ELAVL2: variants seen among roughly 807,000 people sequenced by gnomAD.
ELAVL2 encodes ELAV like RNA binding protein 2, also known as ELAV-like protein 2.
A neutral mutation model predicts 34.6 loss-of-function variants in ELAVL2; 4 were observed. That is an observed-to-expected ratio of 0.12 (90% CI 0.06 to 0.26). The LOEUF (loss-of-function observed/expected upper bound fraction) is 0.26, where lower values mean the gene tolerates loss of function less well. Ranked by LOEUF, ELAVL2 falls within the 10% of genes least tolerant of loss-of-function variation. The pLI is 1.00. For missense variants in ELAVL2, 432 were observed against 442.8 expected, an observed-to-expected ratio of 0.98 and a Z score of 0.22; for synonymous variants, 193 against 154.8, an observed-to-expected ratio of 1.25 and a Z score of -1.83.
At chr9:23,841,725 A>G in the ELAVL2 span, among the ~76,000 whole-genome samples, 72 of 152,288 alleles carry the variant, frequency 4.7e-4, no homozygotes, top group South Asian at 1.0e-3. Flanking sequence ...GTATCTATGT[A>G]TAAAGTGAAT....
chr9:23,749,704 A>G (rs1426549400), intron 2 of ELAVL2, among the ~76,000 whole-genome samples: 1 of 152,122 alleles, frequency 6.6e-6, no homozygotes, highest in African/African-American at 2.4e-5. Flanking sequence ...TCCGGTGAAC[A>G]TTTCATTTAA....
At chr9:23,702,252 T>C (rs994125236) in intron 4 of ELAVL2, among the ~76,000 whole-genome samples, 2 of 152,110 alleles carry the variant, frequency 1.3e-5, no homozygotes, top group South Asian at 2.1e-4. Context: ...AAAAATATTA[T>C]ATGGAGAAAA....
intron 4 of ELAVL2, among the ~76,000 whole-genome samples, chr9:23,702,967 A>AAAAAAAC: frequency 7.0e-6 from 1 of 143,620 alleles, no homozygotes; most frequent in East Asian, 2.0e-4. Context: ...AAAAAAAAAA[A>AAAAAAAC]AAAAAAAAAA....
At chr9:23,765,399 G>A (rs1254145192) in intron 1 of ELAVL2, among the ~76,000 whole-genome samples, 1 of 152,094 alleles carries the variant, frequency 6.6e-6, no homozygotes, top group Admixed American at 6.6e-5. Context: ...AAAAAATAAA[G>A]TAAAATAAAG....
chr9:23,757,047 A>C (rs1016570677), intron 2 of ELAVL2, among the ~76,000 whole-genome samples: 5 of 152,168 alleles, frequency 3.3e-5, no homozygotes, highest in Non-Finnish European at 7.3e-5. Flanking sequence ...AACAGATTCC[A>C]AAACTCCCTT....
At chr9:23,817,071 T>C (rs947764648) in intron 1 of ELAVL2, among the ~76,000 whole-genome samples, 1 of 152,114 alleles carries the variant, frequency 6.6e-6, no homozygotes, top group African/African-American at 2.4e-5. Flanking sequence ...ATCATTTTAC[T>C]GTTACTGTCT....
At chr9:23,843,996 T>C in the ELAVL2 span, among the ~76,000 whole-genome samples, 16 of 152,012 alleles carry the variant, frequency 1.1e-4, no homozygotes, top group Non-Finnish European at 1.6e-4. Flanking sequence ...CATATCAATA[T>C]GTAAAGACAA....
At chr9:23,828,884 T>C (rs1010210680), upstream of ELAVL2, among the ~76,000 whole-genome samples, 2 of 152,204 alleles carry the variant, frequency 1.3e-5, no homozygotes, top group Admixed American at 1.3e-4. Flanking sequence ...ACAAGTGATA[T>C]CTGGATGTAG....
At chr9:23,848,393 G>A in the ELAVL2 span, among the ~76,000 whole-genome samples, 1 of 151,986 alleles carries the variant, frequency 6.6e-6, no homozygotes, top group African/African-American at 2.4e-5. Flanking sequence ...GATTCCTCTT[G>A]TACCAACAAA....
chr9:23,752,353 G>A (rs895980132), intron 2 of ELAVL2, among the ~76,000 whole-genome samples: 8 of 152,132 alleles, frequency 5.3e-5, no homozygotes, highest in Non-Finnish European at 5.9e-5. Flanking sequence ...CCTAGCAGGA[G>A]GAAGCAAAGG....
upstream of ELAVL2, among the ~76,000 whole-genome samples, chr9:23,829,231 A>T (rs2138734157): frequency 6.6e-6 from 1 of 152,342 alleles, no homozygotes; most frequent in Non-Finnish European, 1.5e-5. Flanking sequence ...AAGTTGCAAA[A>T]GAATAGTTCT....
chr9:23,736,238 GA>G (rs2134880210), intron 2 of ELAVL2, among the ~76,000 whole-genome samples: 1 of 151,944 alleles, frequency 6.6e-6, no homozygotes, highest in African/African-American at 2.4e-5. Flanking sequence ...TATTAAACAA[GA>G]CCCTCAACAC....
chr9:23,705,211 T>C (rs1353220776), intron 3 of ELAVL2, 140 bp from the exon 4 acceptor site: 5 of 919,380 alleles, frequency 5.4e-6, no homozygotes, highest in South Asian at 1.8e-5. Flanking sequence ...CTAACTGCTT[T>C]ATTCATTTCC....
At chr9:23,693,849 A>G (rs1052125740) in intron 5 of ELAVL2, among the ~76,000 whole-genome samples, 1 of 152,184 alleles carries the variant, frequency 6.6e-6, no homozygotes, top group Non-Finnish European at 1.5e-5. Flanking sequence ...TTTGATTTTC[A>G]CAACTCTGTT....
intron 2 of ELAVL2, among the ~76,000 whole-genome samples, chr9:23,741,365 T>A (rs2049127548): frequency 3.9e-5 from 6 of 152,022 alleles, no homozygotes; most frequent in Admixed American, 3.9e-4. Context: ...TGAGGCACAA[T>A]GAGGAAGGAG....
At chr9:23,720,879 T>C (rs1359240631) in intron 3 of ELAVL2, among the ~76,000 whole-genome samples, 1 of 152,202 alleles carries the variant, frequency 6.6e-6, no homozygotes, top group Non-Finnish European at 1.5e-5. Context: ...TCAGTCTCTC[T>C]CTGCAGATAA....
intron 1 of ELAVL2, among the ~76,000 whole-genome samples, chr9:23,822,040 C>T (rs566648477): frequency 6.6e-6 from 1 of 151,890 alleles, no homozygotes; most frequent in Non-Finnish European, 1.5e-5. Flanking sequence ...CAGGCTTCCC[C>T]GACAAGGTTT....
chr9:23,714,064 A>G (rs183681436), intron 3 of ELAVL2, among the ~76,000 whole-genome samples: 3 of 152,348 alleles, frequency 2.0e-5, no homozygotes, highest in Non-Finnish European at 2.9e-5. Context: ...TGTTTTAATC[A>G]TAACATCATT....
chr9:23,777,278 A>G (rs1230528523), intron 1 of ELAVL2, among the ~76,000 whole-genome samples: 1 of 151,888 alleles, frequency 6.6e-6, no homozygotes, highest in Non-Finnish European at 1.5e-5. Context: ...TCCTTAAACC[A>G]CTCTTCTAAA....
Sources: allele counts gnomAD v4.1 joint callset (sites outside exome capture counted in the v4.1 genomes callset), GRCh38; gene constraint gnomAD v4.1.1; transcripts MANE v1.5; gene names NCBI Gene and HGNC (gene_info 2026-07-23, HGNC 2026-07-21).